Variants in JAKMIP2 observed in about 807,000 individuals in gnomAD.
JAKMIP2 encodes janus kinase and microtubule interacting protein 2.
JAKMIP2 carries 25 observed loss-of-function variants against 115.0 expected under a neutral mutation model. The ratio of observed to expected loss-of-function variants is 0.22; its 90% CI spans 0.16 to 0.30. JAKMIP2 has a LOEUF of 0.30. Among genes scored for constraint, JAKMIP2 ranks in the 10% least tolerant of loss-of-function variants. JAKMIP2 has a pLI of 1.00. For synonymous variants in JAKMIP2, 334 were observed against 343.6 expected (o/e 0.97, Z 0.31); for missense variants, 642 against 957.6 (o/e 0.67, Z 4.35).
At chr5:147,717,667 G>C (rs1753067427) in intron 1 of JAKMIP2, among the ~76,000 whole-genome samples, 1 of 151,274 alleles carries the variant, frequency 6.6e-6, no homozygotes, top group South Asian at 2.1e-4. Context: ...TGTTGTATAA[G>C]AATGCTTGTG....
At chr5:147,666,618 A>G (rs1759311240) in intron 2 of JAKMIP2, among the ~76,000 whole-genome samples, 1 of 152,220 alleles carries the variant, frequency 6.6e-6, no homozygotes, top group Admixed American at 6.5e-5. Flanking sequence ...GTCTTTACAT[A>G]AGAACAATGT....
At chr5:147,673,225 G>A (rs951872246) in intron 1 of JAKMIP2, among the ~76,000 whole-genome samples, 40 of 152,218 alleles carry the variant, frequency 2.6e-4, no homozygotes, top group African/African-American at 8.9e-4. Context: ...TACTTCATAG[G>A]AACAAGGGGC....
intron 3 of JAKMIP2, among the ~76,000 whole-genome samples, chr5:147,656,044 C>T (rs1758656827): frequency 6.6e-6 from 1 of 152,196 alleles, no homozygotes; most frequent in Non-Finnish European, 1.5e-5. Context: ...TTTCATTGCA[C>T]TGTGGTCTGA....
Position 147,589,336 on chromosome 5 carries a change from A to C in JAKMIP2, c.*2371T>G, listed in dbSNP as rs181209007. The C allele has an allele frequency of 7.2e-5, 11 of 152,262 alleles. No homozygotes were observed. Among genetic ancestry groups the C allele is most frequent in the Admixed American group, 2.0e-4 (3 of 15,270 alleles). 9.4% of individuals were successfully genotyped at this position (152,262 alleles called of 1,614,324 possible). A position where few individuals can be genotyped will look rare whatever the true frequency, so the allele number is the denominator to read the frequency against. On this transcript the variant is annotated 3_prime_UTR_variant, in exon 22 of 22. Coordinates refer to ENST00000616793, the MANE Select transcript of JAKMIP2 (RefSeq NM_001270941.2). ...GTGGTGTGCACCTGTAATCCCAGCT[A>C]CTAGGGAGGTTGAGGCAGGAGAATC...
intron 1 of JAKMIP2, among the ~76,000 whole-genome samples, chr5:147,708,797 C>G (rs1030122928): frequency 6.6e-6 from 1 of 152,102 alleles, no homozygotes; most frequent in Non-Finnish European, 1.5e-5. Flanking sequence ...CAACATGAAG[C>G]CCTTTGTAAC....
rs746687396 is a variant in JAKMIP2, at chr5:147,601,815, C to A, written c.2413-4G>T. 1.6e-6 allele frequency: 2 copies of A among 1,250,444 alleles called. No individual in the cohort carries two copies. Among genetic ancestry groups the A allele is most frequent in the Non-Finnish European group, 2.3e-6 (2 of 883,020 alleles). 77.5% of individuals were successfully genotyped at this position (1,250,444 alleles called of 1,614,324 possible). A position where few individuals can be genotyped will look rare whatever the true frequency, so the allele number is the denominator to read the frequency against. On this transcript the variant is annotated splice_region_variant and splice_polypyrimidine_tract_variant and intron_variant, in intron 20 of 21. Transcript: ENST00000616793. Reference sequence around the variant, plus strand: ...AGAACAAGAATAGAAACAGAAACTGCAGAAGAAAAAGAAGAAGATTATGTA... The same window carrying A: ...AGAACAAGAATAGAAACAGAAACTGAAGAAGAAAAAGAAGAAGATTATGTA...
chr5:147,758,497 T>C (rs1754823411), intron 1 of JAKMIP2, among the ~76,000 whole-genome samples: 2 of 152,206 alleles, frequency 1.3e-5, no homozygotes, highest in African/African-American at 2.4e-5. Flanking sequence ...CTTCAAATCA[T>C]AGAACAAAAC....
chr5:147,733,814 A>G (rs1220090378), intron 1 of JAKMIP2, among the ~76,000 whole-genome samples: 2 of 152,160 alleles, frequency 1.3e-5, no homozygotes, highest in African/African-American at 4.8e-5. Context: ...TTATGGCTGC[A>G]TAGTATTCCA....
chr5:147,713,202 T>C (rs1417603626), intron 1 of JAKMIP2, among the ~76,000 whole-genome samples: 2 of 152,246 alleles, frequency 1.3e-5, no homozygotes, highest in African/African-American at 2.4e-5. Flanking sequence ...ACCTTAATTA[T>C]ATTAATACAA....
intron 2 of JAKMIP2, among the ~76,000 whole-genome samples, chr5:147,668,185 C>T (rs1462089678): frequency 1.3e-5 from 2 of 152,176 alleles, no homozygotes; most frequent in African/African-American, 4.8e-5. Flanking sequence ...CAACCCAGGC[C>T]TGTTGCCCTT....
intron 1 of JAKMIP2, among the ~76,000 whole-genome samples, chr5:147,772,014 C>T (rs1353871125): frequency 6.6e-6 from 1 of 152,002 alleles, no homozygotes; most frequent in Non-Finnish European, 1.5e-5. Context: ...GCACAAATTA[C>T]ATGTGAATGG....
At chr5:147,666,601 A>G (rs1305899727) in intron 2 of JAKMIP2, among the ~76,000 whole-genome samples, 1 of 152,244 alleles carries the variant, frequency 6.6e-6, no homozygotes, top group African/African-American at 2.4e-5. Context: ...AAGAAAAGTG[A>G]GAAACAGTCT....
intron 1 of JAKMIP2, among the ~76,000 whole-genome samples, chr5:147,718,585 T>G (rs1260328529): frequency 4.6e-5 from 7 of 150,574 alleles, no homozygotes; most frequent in Non-Finnish European, 8.9e-5. Context: ...GGAGAGTGTA[T>G]GTGTCGAGGA....
chr5:147,639,151 G>C (rs909725403), intron 10 of JAKMIP2, among the ~76,000 whole-genome samples: 3 of 152,152 alleles, frequency 2.0e-5, no homozygotes, highest in African/African-American at 7.2e-5. Context: ...ACCTCTCTGA[G>C]TGTCAAATTT....
intron 1 of JAKMIP2, among the ~76,000 whole-genome samples, chr5:147,684,311 A>C (rs1305162001): frequency 6.6e-6 from 1 of 151,846 alleles, no homozygotes; most frequent in Non-Finnish European, 1.5e-5. Flanking sequence ...ACACACACAC[A>C]CACACACACA....
intron 1 of JAKMIP2, among the ~76,000 whole-genome samples, chr5:147,724,005 A>G (rs1206964895): frequency 6.6e-6 from 1 of 152,220 alleles, no homozygotes; most frequent in Non-Finnish European, 1.5e-5. Context: ...TATTCAGAAG[A>G]TGCTATTTAT....
At chr5:147,635,480 T>A (rs923457113) in intron 12 of JAKMIP2, among the ~76,000 whole-genome samples, 8 of 152,296 alleles carry the variant, frequency 5.3e-5, no homozygotes, top group Middle Eastern at 6.8e-3. Flanking sequence ...CTATGCTAGG[T>A]TTCGGCATGG....
At chr5:147,731,933 T>C (rs1753749635) in intron 1 of JAKMIP2, among the ~76,000 whole-genome samples, 1 of 152,246 alleles carries the variant, frequency 6.6e-6, no homozygotes, top group South Asian at 2.1e-4. Context: ...AGACGATGTA[T>C]CAAGAATTTG....
intron 1 of JAKMIP2, among the ~76,000 whole-genome samples, chr5:147,683,313 G>A (rs1362998254): frequency 6.6e-6 from 1 of 152,142 alleles, no homozygotes; most frequent in Admixed American, 6.5e-5. Flanking sequence ...CCAACATAGT[G>A]AAACCCCATC....
Sources: gnomAD v4.1 joint callset for allele counts (sites outside exome capture counted in the v4.1 genomes callset) on GRCh38, gnomAD v4.1.1 for gene constraint, MANE v1.5 for transcripts, NCBI Gene and HGNC (gene_info 2026-07-23, HGNC 2026-07-21) for gene names.